Variants in MAGI2 observed in about 807,000 individuals in gnomAD.
MAGI2 encodes the protein membrane associated guanylate kinase, WW and PDZ domain containing 2.
Under a neutral mutation model 133.3 loss-of-function variants are expected in MAGI2, and 35 were observed. That is an observed-to-expected ratio of 0.26 (90% CI 0.20 to 0.35). MAGI2 has a LOEUF of 0.35. Ranked by LOEUF, MAGI2 falls within the 10% of genes least tolerant of loss-of-function variation. MAGI2 has a pLI of 1.00. For synonymous variants in MAGI2, 729 were observed against 710.6 expected, an observed-to-expected ratio of 1.03 and a Z score of -0.41; for missense variants, 1,636 against 1,863.4, an observed-to-expected ratio of 0.88 and a Z score of 2.25.
intron 9 of MAGI2, among the ~76,000 whole-genome samples, chr7:78,340,429 T>C (rs573477826): frequency 1.3e-5 from 2 of 151,858 alleles, no homozygotes; most frequent in Non-Finnish European, 2.9e-5. Flanking sequence ...CAATAGAAAA[T>C]GAGGGAATCC....
chr7:78,632,697 G>T (rs779924838), intron 2 of MAGI2, among the ~76,000 whole-genome samples: 1 of 152,180 alleles, frequency 6.6e-6, no homozygotes, highest in South Asian at 2.1e-4. Context: ...AATGACTGGT[G>T]TATGTGCATA....
intron 3 of MAGI2, among the ~76,000 whole-genome samples, chr7:78,567,393 TACACACACACAC>T (rs34795351): frequency 6.8e-6 from 1 of 148,136 alleles, no homozygotes. Context: ...GCCTACACAC[TACACACACACAC>T]ACACACACAC....
intron 7 of MAGI2, among the ~76,000 whole-genome samples, chr7:78,361,392 CAAA>C (rs34120550): frequency 7.9e-6 from 1 of 126,768 alleles, no homozygotes; most frequent in Non-Finnish European, 1.6e-5. Flanking sequence ...GACTCCATCT[CAAA>C]AAAAAAAAAA....
intron 2 of MAGI2, among the ~76,000 whole-genome samples, chr7:78,661,000 C>T (rs772330850): frequency 1.3e-5 from 2 of 152,166 alleles, no homozygotes; most frequent in Non-Finnish European, 2.9e-5. Context: ...TTTGGCCTCT[C>T]TGACAGTGTC....
At chr7:78,276,553 TC>T (rs1338909451) in intron 9 of MAGI2, among the ~76,000 whole-genome samples, 1 of 152,096 alleles carries the variant, frequency 6.6e-6, no homozygotes. Flanking sequence ...GTCAAAATTT[TC>T]TTATAGACTC....
At chr7:78,623,015 A>G (rs1165617362) in intron 3 of MAGI2, among the ~76,000 whole-genome samples, 1 of 152,078 alleles carries the variant, frequency 6.6e-6, no homozygotes, top group African/African-American at 2.4e-5. Flanking sequence ...CTGGCTCACA[A>G]AACTTGGTTA....
intron 2 of MAGI2, among the ~76,000 whole-genome samples, chr7:78,698,765 G>A (rs756421409): frequency 1.3e-5 from 2 of 152,100 alleles, no homozygotes; most frequent in Non-Finnish European, 2.9e-5. Context: ...CAGTGCGAGA[G>A]AGAAGTGTCA....
intron 16 of MAGI2, among the ~76,000 whole-genome samples, chr7:78,150,984 T>C (rs1347399338): frequency 8.6e-5 from 13 of 151,730 alleles, no homozygotes; most frequent in Admixed American, 8.5e-4. Flanking sequence ...TGTTTGCGTT[T>C]GTCTTTCTAT....
At chr7:79,169,525 C>A (rs961663829) in intron 1 of MAGI2, among the ~76,000 whole-genome samples, 1 of 152,070 alleles carries the variant, frequency 6.6e-6, no homozygotes, top group Non-Finnish European at 1.5e-5. Context: ...TCACTGGCAG[C>A]GCAAAACCTT....
intron 1 of MAGI2, among the ~76,000 whole-genome samples, chr7:79,104,433 C>G (rs1307211546): frequency 6.6e-6 from 1 of 152,136 alleles, no homozygotes; most frequent in Non-Finnish European, 1.5e-5. Flanking sequence ...CTTTGGGAGG[C>G]AAACGCAGGC....
intron 1 of MAGI2, among the ~76,000 whole-genome samples, chr7:79,273,397 G>A (rs1835016227): frequency 6.6e-6 from 1 of 151,956 alleles, no homozygotes; most frequent in Non-Finnish European, 1.5e-5. Context: ...TCAGCCCAGA[G>A]ACATGTTTGT....
intron 1 of MAGI2, among the ~76,000 whole-genome samples, chr7:79,091,243 C>T (rs955498613): frequency 6.6e-6 from 1 of 151,952 alleles, no homozygotes; most frequent in African/African-American, 2.4e-5. Flanking sequence ...GCTTGTTGCC[C>T]TCCCACCCCA....
rs184464054 is a variant in MAGI2 at position 78,648,470 on chromosome 7, T to C, written c.419-21231A>G. Among the ~76,000 whole-genome samples, 3 of 152,366 alleles carry C rather than the reference T, an allele frequency of 2.0e-5. No homozygotes were observed. In the East Asian group the frequency reaches 5.8e-4, roughly 29 times the overall value. On this transcript the variant is annotated intron_variant, in intron 2 of 21. Coordinates refer to ENST00000354212, the MANE Select transcript of MAGI2 (RefSeq NM_012301.4). ...AAACCTGAAATATTGTTGATCCTTA[T>C]GATTTTCTTTCACCATCTTATCCAA...
chr7:78,857,358 T>C (rs1793746025), intron 2 of MAGI2, among the ~76,000 whole-genome samples: 1 of 152,228 alleles, frequency 6.6e-6, no homozygotes, highest in Non-Finnish European at 1.5e-5. Flanking sequence ...CTTCCAGTTT[T>C]TGCCCATTCA....
intron 2 of MAGI2, among the ~76,000 whole-genome samples, chr7:78,896,549 A>G (rs914697722): frequency 6.7e-6 from 1 of 148,440 alleles, no homozygotes; most frequent in African/African-American, 2.4e-5. Context: ...AATATAATAT[A>G]TAAAAATATA....
At chr7:78,262,074 T>A (rs1793568173) in intron 9 of MAGI2, among the ~76,000 whole-genome samples, 2 of 152,148 alleles carry the variant, frequency 1.3e-5, no homozygotes, top group Admixed American at 1.3e-4. Flanking sequence ...ATGGTCTCCT[T>A]AGAGTGACAG....
intron 2 of MAGI2, among the ~76,000 whole-genome samples, chr7:78,681,252 A>T (rs1815623166): frequency 6.6e-6 from 1 of 152,158 alleles, no homozygotes; most frequent in East Asian, 1.9e-4. Context: ...TACACTTATC[A>T]ATTAGGCCAG....
intron 2 of MAGI2, among the ~76,000 whole-genome samples, chr7:78,686,871 A>T (rs1312798991): frequency 6.6e-6 from 1 of 152,222 alleles, no homozygotes; most frequent in Non-Finnish European, 1.5e-5. Flanking sequence ...GAGGTGGCTA[A>T]AAGTGAAACA....
intron 2 of MAGI2, among the ~76,000 whole-genome samples, chr7:78,922,391 G>A (rs890784830): frequency 2.7e-5 from 4 of 149,948 alleles, no homozygotes; most frequent in Admixed American, 6.7e-5. Context: ...TCCTCCCTGT[G>A]TCCATGTGTT....
Sources: gnomAD v4.1 joint callset for allele counts (sites outside exome capture counted in the v4.1 genomes callset) on GRCh38, gnomAD v4.1.1 for gene constraint, MANE v1.5 for transcripts, NCBI Gene and HGNC (gene_info 2026-07-23, HGNC 2026-07-21) for gene names.